Variants in LYPD6B observed in about 807,000 individuals in gnomAD.
LYPD6B encodes ly6/PLAUR domain-containing protein 6B.
A neutral mutation model predicts 22.8 loss-of-function variants in LYPD6B; 17 were observed. That is an observed-to-expected ratio of 0.75 (90% CI 0.51 to 1.12). LYPD6B has a LOEUF of 1.12. Ranked by LOEUF, LYPD6B falls within the 50% of genes most tolerant of loss-of-function variation. LYPD6B has a pLI of 0.00. For missense variants in LYPD6B, 221 were observed against 258.3 expected (o/e 0.86, Z 0.99); for synonymous variants, 106 against 91.6 (o/e 1.16, Z -0.90).
At chr2:149,107,385 T>G (rs937777969) in intron 1 of LYPD6B, among the ~76,000 whole-genome samples, 1 of 152,206 alleles carries the variant, frequency 6.6e-6, no homozygotes, top group Non-Finnish European at 1.5e-5. Context: ...CATTGAAAAC[T>G]TATGAATTGT....
Position 149,080,868 on chromosome 2 carries a change from C to CA in LYPD6B, c.-67+42067_-67+42068insA, listed in dbSNP as rs1328135834. Reference sequence around the variant, plus strand: ...AAAAAAAAAAAAAAAAAAAAAAAAACCACACAAAAAAATTCAGTATATTAG... The same window carrying CA: ...AAAAAAAAAAAAAAAAAAAAAAAAACACACACAAAAAAATTCAGTATATTAG... On this transcript the variant is annotated intron_variant, in intron 1 of 6. Transcript: ENST00000409642. Among the ~76,000 whole-genome samples the CA allele has an allele frequency of 3.1e-5, 3 of 98,196 alleles. 1 individual carries two copies. Among genetic ancestry groups the CA allele is most frequent in the African/African-American group, 1.5e-4 (3 of 20,218 alleles). 64.4% of individuals were successfully genotyped at this position (98,196 alleles called of 152,430 possible). A position where few individuals can be genotyped will look rare whatever the true frequency, so the allele number is the denominator to read the frequency against.
At chr2:149,142,435 G>T (rs1384524389) in intron 2 of LYPD6B, among the ~76,000 whole-genome samples, 1 of 152,170 alleles carries the variant, frequency 6.6e-6, no homozygotes, top group Non-Finnish European at 1.5e-5. Flanking sequence ...TTGTTAATTG[G>T]TTGATTGAAT....
chr2:149,148,847 T>C (rs949762898), intron 2 of LYPD6B, among the ~76,000 whole-genome samples: 2 of 152,170 alleles, frequency 1.3e-5, no homozygotes, highest in Admixed American at 6.5e-5. Flanking sequence ...AGTAGGATTA[T>C]GGGACAGTGG....
At chr2:149,096,047 A>G (rs934517723) in intron 1 of LYPD6B, among the ~76,000 whole-genome samples, 1 of 152,134 alleles carries the variant, frequency 6.6e-6, no homozygotes, top group African/African-American at 2.4e-5. Flanking sequence ...GCACGGAGAG[A>G]GACAGAGACA....
At chr2:149,170,382 C>T (rs1253261850) in intron 3 of LYPD6B, among the ~76,000 whole-genome samples, 1 of 152,172 alleles carries the variant, frequency 6.6e-6, no homozygotes, top group Non-Finnish European at 1.5e-5. Context: ...GAGTCATTTC[C>T]ATTTTACAAA....
At chr2:149,106,548 G>A (rs1446354269) in intron 1 of LYPD6B, among the ~76,000 whole-genome samples, 1 of 152,056 alleles carries the variant, frequency 6.6e-6, no homozygotes, top group African/African-American at 2.4e-5. Flanking sequence ...CTATGTTTTT[G>A]AAATTACTGG....
At chr2:149,044,473 GT>G (rs1475200440) in intron 1 of LYPD6B, among the ~76,000 whole-genome samples, 1 of 152,014 alleles carries the variant, frequency 6.6e-6, no homozygotes, top group East Asian at 1.9e-4. Context: ...TCTGTTTTAG[GT>G]GGGTCCTTTG....
At chr2:149,041,407 C>G (rs1388471310) in intron 1 of LYPD6B, among the ~76,000 whole-genome samples, 1 of 152,158 alleles carries the variant, frequency 6.6e-6, no homozygotes, top group Non-Finnish European at 1.5e-5. Flanking sequence ...GACAAATTTT[C>G]CCCGAAGTTC....
intron 1 of LYPD6B, among the ~76,000 whole-genome samples, chr2:149,064,060 T>C (rs1395247791): frequency 3.3e-5 from 5 of 152,250 alleles, no homozygotes; most frequent in Admixed American, 3.3e-4. Context: ...TCCATGCCCA[T>C]ATAGACTTAC....
intron 2 of LYPD6B, among the ~76,000 whole-genome samples, chr2:149,157,245 C>T (rs1689763935): frequency 6.6e-6 from 1 of 152,018 alleles, no homozygotes; most frequent in African/African-American, 2.4e-5. Flanking sequence ...GGACTGCTTA[C>T]TTATATACTA....
intron 3 of LYPD6B, among the ~76,000 whole-genome samples, chr2:149,170,376 C>A (rs566450793): frequency 1.3e-5 from 2 of 152,288 alleles, no homozygotes; most frequent in Admixed American, 6.5e-5. Context: ...CAGCTGGAGT[C>A]ATTTCCATTT....
At chr2:149,065,975 G>C (rs907071109) in intron 1 of LYPD6B, among the ~76,000 whole-genome samples, 1 of 152,034 alleles carries the variant, frequency 6.6e-6, no homozygotes, top group African/African-American at 2.4e-5. Flanking sequence ...GCTTCCCAAA[G>C]TGTCGGGATT....
At chr2:149,188,697 C>T (rs1249435930) in intron 3 of LYPD6B, 26 of 982,484 alleles carry the variant, frequency 2.6e-5, no homozygotes, top group Non-Finnish European at 2.9e-5. Flanking sequence ...GGATATATTC[C>T]GTAACGTCTC....
intron 1 of LYPD6B, among the ~76,000 whole-genome samples, chr2:149,069,922 T>A (rs1017765683): frequency 6.6e-6 from 1 of 151,304 alleles, no homozygotes; most frequent in Non-Finnish European, 1.5e-5. Context: ...TTTTTTTTTT[T>A]AATTGCAGAG....
chr2:149,163,341 T>C (rs1690205845), intron 3 of LYPD6B, among the ~76,000 whole-genome samples: 1 of 152,148 alleles, frequency 6.6e-6, no homozygotes, highest in Non-Finnish European at 1.5e-5. Context: ...GTCTTACTTT[T>C]ATATAATTCT....
At chr2:149,201,374 C>T (rs1275274392) in intron 3 of LYPD6B, among the ~76,000 whole-genome samples, 1 of 152,166 alleles carries the variant, frequency 6.6e-6, no homozygotes, top group Non-Finnish European at 1.5e-5. Context: ...GATTTCTCCC[C>T]CTCTGGAGCA....
At position 149,115,382 on chromosome 2, in the gene LYPD6B, G is replaced by A. The variant is rs1246546862; in HGVS notation, c.-66-15501G>A. On this transcript the variant is annotated intron_variant, in intron 1 of 6. Coordinates refer to ENST00000409642, the MANE Select transcript of LYPD6B (RefSeq NM_177964.5). ...GTTTTCATGGTCAAATGGATAATTAGATGTCAGATCCTTTGAAAAACTAGA... is the reference window on the plus strand; with the variant it reads ...GTTTTCATGGTCAAATGGATAATTAAATGTCAGATCCTTTGAAAAACTAGA... Among the ~76,000 whole-genome samples the A allele has an allele frequency of 2.6e-5, 4 of 152,304 alleles. No homozygotes were observed. In the East Asian group the frequency reaches 5.8e-4, roughly 22 times the overall value.
rs1215869161 is a variant in LYPD6B, at chr2:149,208,300, T to C, written c.230-14T>C. On this transcript the variant is annotated splice_polypyrimidine_tract_variant and intron_variant, in intron 4 of 6. Transcript: ENST00000409642. ...TCTGTAGCTTACTGTTTCACTTTGC[T>C]TTTTTCTTTAAAGCTACACCATTTC... The C allele has an allele frequency of 1.2e-6, 2 of 1,610,094 alleles. No individual in the cohort carries two copies. Among genetic ancestry groups the C allele is most frequent in the East Asian group, 2.2e-5 (1 of 44,846 alleles).
intron 1 of LYPD6B, among the ~76,000 whole-genome samples, chr2:149,073,983 T>C (rs904373339): frequency 3.9e-5 from 6 of 152,088 alleles, no homozygotes; most frequent in African/African-American, 7.2e-5. Flanking sequence ...CCGTGCTCCA[T>C]TGGCTTATGG....
Sources: gnomAD v4.1 joint callset for allele counts (sites outside exome capture counted in the v4.1 genomes callset) on GRCh38, gnomAD v4.1.1 for gene constraint, MANE v1.5 for transcripts, NCBI Gene and HGNC (gene_info 2026-07-23, HGNC 2026-07-21) for gene names.